PHACTR1: variants seen among roughly 807,000 people sequenced by gnomAD.
PHACTR1 encodes phosphatase and actin regulator 1.
Under a neutral mutation model 69.2 loss-of-function variants are expected in PHACTR1, and 16 were observed. The ratio of observed to expected loss-of-function variants is 0.23; its 90% CI spans 0.16 to 0.35. PHACTR1 has a LOEUF of 0.35. PHACTR1 is among the 10% of genes least tolerant of loss of function. The pLI is 1.00. For synonymous variants in PHACTR1, 312 were observed against 284.5 expected (o/e 1.10, Z -0.97); for missense variants, 510 against 734.7 (o/e 0.69, Z 3.54).
chr6:12,823,298 G>A (rs1776422222), intron 4 of PHACTR1, among the ~76,000 whole-genome samples: 3 of 152,220 alleles, frequency 2.0e-5, no homozygotes, highest in Admixed American at 2.0e-4. Flanking sequence ...CATGGTGAGT[G>A]CTTAATTTGA....
intron 4 of PHACTR1, among the ~76,000 whole-genome samples, chr6:12,912,644 A>G (rs1054447270): frequency 6.6e-6 from 1 of 152,186 alleles, no homozygotes; most frequent in Non-Finnish European, 1.5e-5. Flanking sequence ...TATCTAAGAA[A>G]TGAAGGTTCT....
At chr6:12,766,287 C>A (rs1768600825) in intron 4 of PHACTR1, among the ~76,000 whole-genome samples, 1 of 152,078 alleles carries the variant, frequency 6.6e-6, no homozygotes, top group Non-Finnish European at 1.5e-5. Context: ...ACAATTAATT[C>A]ATAGAAGGAA....
At chr6:12,974,402 A>G (rs920815378) in intron 4 of PHACTR1, among the ~76,000 whole-genome samples, 2 of 152,090 alleles carry the variant, frequency 1.3e-5, no homozygotes, top group Non-Finnish European at 2.9e-5. Context: ...CTATCCTTCA[A>G]TTCAAATCTC....
intron 4 of PHACTR1, among the ~76,000 whole-genome samples, chr6:12,787,827 G>A (rs1428887125): frequency 6.6e-6 from 1 of 152,156 alleles, no homozygotes; most frequent in Non-Finnish European, 1.5e-5. Flanking sequence ...CTATTCCAGA[G>A]GGCACTTGGG....
intron 4 of PHACTR1, among the ~76,000 whole-genome samples, chr6:12,902,582 G>A (rs557090784): frequency 6.6e-6 from 1 of 152,190 alleles, no homozygotes; most frequent in East Asian, 1.9e-4. Context: ...TCAACAAACA[G>A]TGTCCCAGTT....
intron 4 of PHACTR1, among the ~76,000 whole-genome samples, chr6:12,948,747 G>A (rs1288641724): frequency 2.0e-5 from 3 of 152,080 alleles, no homozygotes; most frequent in Admixed American, 1.3e-4. Context: ...GTTTTTTTAT[G>A]TGTTCATCAT....
intron 10 of PHACTR1, among the ~76,000 whole-genome samples, chr6:13,253,610 C>G (rs1168864163): frequency 6.6e-6 from 1 of 152,184 alleles, no homozygotes; most frequent in Non-Finnish European, 1.5e-5. Context: ...ACAGTGATAC[C>G]TAGGGTAAGC....
At chr6:13,157,951 C>T (rs1317782103) in intron 5 of PHACTR1, among the ~76,000 whole-genome samples, 1 of 151,928 alleles carries the variant, frequency 6.6e-6, no homozygotes, top group Non-Finnish European at 1.5e-5. Flanking sequence ...GGCACAATCT[C>T]GCTCACTGCA....
chr6:12,983,680 A>G (rs1795786427), intron 4 of PHACTR1, among the ~76,000 whole-genome samples: 1 of 152,058 alleles, frequency 6.6e-6, no homozygotes, highest in Non-Finnish European at 1.5e-5. Flanking sequence ...ATATCTCCCA[A>G]TGCTACCCCT....
At position 12,859,436 on chromosome 6, in the gene PHACTR1, T is replaced by C. The variant is rs150891401; in HGVS notation, c.250+109646T>C. 4.1e-3 allele frequency among the ~76,000 whole-genome samples: 624 copies of C among 152,348 alleles called. 4 individuals are homozygous for C. The highest frequency in any genetic ancestry group is 0.014 in the African/African-American group (598 of 41,588). On this transcript the variant is annotated intron_variant, in intron 4 of 14. Coordinates refer to ENST00000332995, the MANE Select transcript of PHACTR1 (RefSeq NM_030948.6). ...TTATAGTTTTTCTTTCCTATACATA[T>C]TGGTAGTTTTCACCATGGCTTGAAT...
chr6:13,082,869 A>G (rs952678098), intron 5 of PHACTR1, among the ~76,000 whole-genome samples: 2 of 152,086 alleles, frequency 1.3e-5, no homozygotes, highest in Non-Finnish European at 2.9e-5. Flanking sequence ...AGTAGGTTGC[A>G]AAAATTTTCT....
At chr6:12,880,456 A>G (rs892031160) in intron 4 of PHACTR1, among the ~76,000 whole-genome samples, 1 of 152,062 alleles carries the variant, frequency 6.6e-6, no homozygotes, top group South Asian at 2.1e-4. Context: ...AGGTTTTGCC[A>G]CGTTGCCCAG....
At chr6:13,186,346 G>A (rs549794084) in intron 7 of PHACTR1, among the ~76,000 whole-genome samples, 5 of 152,246 alleles carry the variant, frequency 3.3e-5, no homozygotes, top group East Asian at 1.9e-4. Context: ...ACTGATTTTC[G>A]TGTTAGTAAC....
At chr6:12,857,285 G>T (rs1007011693) in intron 4 of PHACTR1, among the ~76,000 whole-genome samples, 1 of 152,158 alleles carries the variant, frequency 6.6e-6, no homozygotes, top group African/African-American at 2.4e-5. Flanking sequence ...CACTTAAAGT[G>T]AGACTAATAT....
intron 4 of PHACTR1, among the ~76,000 whole-genome samples, chr6:12,862,409 A>G (rs780231935): frequency 2.0e-5 from 3 of 152,110 alleles, no homozygotes; most frequent in Non-Finnish European, 4.4e-5. Context: ...ACTACAAAGC[A>G]CTAGATCTGG....
intron 10 of PHACTR1, among the ~76,000 whole-genome samples, chr6:13,249,274 G>A (rs1414775609): frequency 6.6e-6 from 1 of 152,106 alleles, no homozygotes; most frequent in Non-Finnish European, 1.5e-5. Context: ...CTGTGCATGT[G>A]AGGGATCTCG....
chr6:12,791,848 C>T (rs548290886), intron 4 of PHACTR1, among the ~76,000 whole-genome samples: 20 of 152,242 alleles, frequency 1.3e-4, no homozygotes, highest in Middle Eastern at 3.4e-3. Context: ...AAAAAATCCC[C>T]GCTTGCCTGA....
intron 5 of PHACTR1, among the ~76,000 whole-genome samples, chr6:13,089,533 G>A (rs1249905219): frequency 6.6e-6 from 1 of 152,160 alleles, no homozygotes; most frequent in African/African-American, 2.4e-5. Context: ...GGGTAGAATT[G>A]CAGCATTTGA....
At chr6:12,907,610 T>C (rs192628888) in intron 4 of PHACTR1, among the ~76,000 whole-genome samples, 1 of 152,348 alleles carries the variant, frequency 6.6e-6, no homozygotes, top group Admixed American at 6.5e-5. Context: ...CAAATCAGCC[T>C]GGTACCAAAT....
Sources: allele counts gnomAD v4.1 joint callset (sites outside exome capture counted in the v4.1 genomes callset), GRCh38; gene constraint gnomAD v4.1.1; transcripts MANE v1.5; gene names NCBI Gene and HGNC (gene_info 2026-07-23, HGNC 2026-07-21).